COL9A3: variants seen among roughly 807,000 people sequenced by gnomAD.
The protein encoded by COL9A3 is collagen alpha-3(IX) chain.
A neutral mutation model predicts 110.2 loss-of-function variants in COL9A3; 82 were observed. The observed-to-expected ratio is 0.74, with a 90% CI of 0.62 to 0.89. COL9A3 has a LOEUF of 0.89. Among genes scored for constraint, COL9A3 ranks in the 40% least tolerant of loss-of-function variants. The probability of loss-of-function intolerance (pLI) is 0.00; values close to 1 mark genes in which losing one functional copy is unlikely to be tolerated. For missense variants in COL9A3, 1,066 were observed against 981.3 expected, an observed-to-expected ratio of 1.09 and a Z score of -1.15; for synonymous variants, 494 against 403.8, an observed-to-expected ratio of 1.22 and a Z score of -2.68.
upstream of COL9A3, among the ~76,000 whole-genome samples, chr20:62,816,502 G>A (rs1344221730): frequency 6.6e-6 from 1 of 152,226 alleles, no homozygotes; most frequent in Non-Finnish European, 1.5e-5. Flanking sequence ...GGCCGCGGTG[G>A]GGGTGCTCCC....
intron 10 of COL9A3, 67 bp downstream of exon 10, chr20:62,822,699 C>T: frequency 6.5e-7 from 1 of 1,539,316 alleles, no homozygotes; most frequent in East Asian, 2.2e-5. Flanking sequence ...GGGTTCTGGC[C>T]TGGAGAGGGG....
At chr20:62,817,038 A>C, upstream of COL9A3, 1 of 1,219,308 alleles carries the variant, frequency 8.2e-7, no homozygotes. Context: ...GCCCGCCCCG[A>C]CGCCGCAGCT....
intron 13 of COL9A3, 77 bp downstream of exon 13, chr20:62,825,947 C>G (rs1233055163): frequency 2.1e-6 from 3 of 1,454,832 alleles, no homozygotes. Flanking sequence ...CATATCTACC[C>G]CCGAGGGGGC....
chr20:62,827,351 T>G lies in COL9A3; in HGVS notation c.846+57T>G, dbSNP rs1425262942. 5 of 1,565,808 alleles carry G rather than the reference T, an allele frequency of 3.2e-6. No individual in the cohort carries two copies. In the African/African-American group the frequency reaches 6.8e-5, roughly 21 times the overall value. On this transcript the variant is annotated intron_variant, in intron 16 of 31. Coordinates refer to ENST00000649368, the MANE Select transcript of COL9A3 (RefSeq NM_001853.4). ...CTTATGTGGAAGAACCCAATTTCCC[T>G]CCTGACTCGTGCTGGGGAGGGGGAC...
In COL9A3 at chr20:62,817,636, G is replaced by A. The variant is rs2147194049; in HGVS notation, c.147+1G>A. 2.0e-6 allele frequency: 3 copies of A among 1,536,770 alleles called. No individual in the cohort carries two copies. The highest frequency in any genetic ancestry group is 1.2e-5 in the South Asian group (1 of 83,112). On this transcript the variant is annotated splice_donor_variant, in intron 2 of 31. Coordinates refer to ENST00000649368, the MANE Select transcript of COL9A3 (RefSeq NM_001853.4). LOFTEE classifies it high-confidence loss of function. Reference sequence around the variant, plus strand: ...GAAGCCCGGCCAGGACGGCATTGACGTGAGTTTGGGGGTGGGGAGGGCCCC... The same window carrying A: ...GAAGCCCGGCCAGGACGGCATTGACATGAGTTTGGGGGTGGGGAGGGCCCC...
In COL9A3 at chr20:62,821,216, G is replaced by T; in HGVS notation, c.345G>T (p.Gly115=). ...SLGPPGPPGL[G]GKGLPGPPGE... is the part of the protein sequence containing the mutation. ...GACCCCCGGGGCCGCCCGGGCTGGG[G>T]GTGAGTATGGAGTGTGGTCCTCTCC... The change falls in exon 6 of 32, where the codon GGG becomes GGT. Residue 115 remains glycine, a splice_region_variant and synonymous_variant. Transcript: ENST00000649368. The T allele has an allele frequency of 6.2e-7, 1 of 1,613,280 alleles. No homozygotes were observed. The highest frequency in any genetic ancestry group is 1.1e-5 in the South Asian group (1 of 91,012).
chr20:62,825,315 C>T (rs557444318), intron 12 of COL9A3: 12 of 334,276 alleles, frequency 3.6e-5, no homozygotes, highest in Middle Eastern at 9.4e-4. Context: ...GGACAGACCC[C>T]GTCCTGCCTG....
At chr20:62,824,353 T>A in intron 10 of COL9A3, 92 bp from the exon 11 acceptor site, 2 of 1,344,552 alleles carry the variant, frequency 1.5e-6, no homozygotes, top group Non-Finnish European at 2.1e-6. Context: ...CCGTGCAGAG[T>A]GGCCTCCTGG....
At chr20:62,831,785 A>C in intron 24 of COL9A3, 1 of 337,036 alleles carries the variant, frequency 3.0e-6, no homozygotes, top group Non-Finnish European at 5.8e-6. Flanking sequence ...AGCAACTCCC[A>C]GACATGTCCT....
intron 26 of COL9A3, 65 bp downstream of exon 26, chr20:62,833,129 AAC>A: frequency 7.4e-7 from 1 of 1,352,800 alleles, no homozygotes; most frequent in Non-Finnish European, 1.1e-6. Flanking sequence ...GTGGCTGGGG[AAC>A]AGTCCTGGGG....
In COL9A3 at chr20:62,822,618, G is replaced by T. The variant is rs948698664; in HGVS notation, c.505G>T (p.Ala169Ser). Residue 169 changes from alanine (A) to serine (S), a missense_variant, in exon 10 of 32, where the codon GCT becomes TCT. By Grantham distance (99) the Ala-to-Ser change is moderately conservative (BLOSUM62 1). Transcript: ENST00000649368. The stretch of plus-strand genomic sequence containing the variant: ...ACACCCAGGAGTCCTCCCTGAAGGC[G>T]CTACTGACCTTCAGGTAGGCACTTG... ...PGHPGVLPEG[A>S]TDLQCPSICP... The T allele has an allele frequency of 2.5e-6, 4 of 1,612,344 alleles. No homozygotes were observed. Among genetic ancestry groups the T allele is most frequent in the African/African-American group, 1.3e-5 (1 of 74,894 alleles).
intron 15 of COL9A3, 72 bp downstream of exon 15, chr20:62,826,892 C>T (rs756865034): frequency 9.1e-6 from 14 of 1,533,820 alleles, no homozygotes; most frequent in African/African-American, 4.1e-5. Context: ...TCCTCTCAGA[C>T]GCCCCCAGCC....
At chr20:62,836,068 A>G in intron 27 of COL9A3, 115 bp downstream of exon 27, 1 of 1,606,910 alleles carries the variant, frequency 6.2e-7, no homozygotes, top group Non-Finnish European at 8.5e-7. Context: ...GAGATGTAAA[A>G]AAGCTTGCTC....
At chr20:62,822,766 G>C (rs2063521639) in intron 10 of COL9A3, 134 bp downstream of exon 10, 1 of 934,458 alleles carries the variant, frequency 1.1e-6, no homozygotes, top group Non-Finnish European at 1.7e-6. Context: ...CAGGAGCTCA[G>C]AGCAGACAGC....
rs1027547114 is a variant in COL9A3, at chr20:62,817,570, G to C, written c.82G>C (p.Val28Leu). ...ELLAAAGAQRVGLPGPPGPPG... is the reference protein window; with the variant it reads ...ELLAAAGAQRLGLPGPPGPPG... ...TAATGAGTTTTCTCCGTTTCAGAGA[G>C]TGGGACTCCCCGGCCCCCCCGGCCC... is the stretch of plus-strand genomic sequence containing the variant. The change falls in exon 2 of 32, where the codon GTG becomes CTG. Residue 28 changes from valine to leucine, a missense_variant. By Grantham distance (32) the Val-to-Leu change is conservative. Coordinates refer to ENST00000649368, the MANE Select transcript of COL9A3 (RefSeq NM_001853.4). 6.5e-7 allele frequency: 1 copy of C among 1,544,100 alleles called. No individual in the cohort carries two copies. The highest frequency in any genetic ancestry group is 8.8e-7 in the Non-Finnish European group (1 of 1,142,138).
At position 62,826,751 on chromosome 20, in the gene COL9A3, CCTCT is replaced by C; in HGVS notation, c.739-12_739-9del. The C allele has an allele frequency of 6.2e-7, 1 of 1,612,404 alleles. No homozygotes were observed. Among genetic ancestry groups the C allele is most frequent in the South Asian group, 1.1e-5 (1 of 90,992 alleles). On this transcript the variant is annotated splice_polypyrimidine_tract_variant and intron_variant, in intron 14 of 31. Transcript: ENST00000649368. Reference sequence around the variant, plus strand: ...CCTCAGACAAGAGGACCCCGGATCCCCTCTCTCCTCTGCAGGGTCCCATTGGGTT... The same window carrying C: ...CCTCAGACAAGAGGACCCCGGATCCCCTCCTCTGCAGGGTCCCATTGGGTT...
At chr20:62,825,147 CGG>C in intron 12 of COL9A3, 126 bp downstream of exon 12, 1 of 32,746 alleles carries the variant, frequency 3.1e-5, no homozygotes, top group Admixed American at 3.5e-4. Flanking sequence ...GGCTGGGCTC[CGG>C]CGGGAGGGAG....
At chr20:62,818,923 G>A (rs1247052935) in intron 3 of COL9A3, among the ~76,000 whole-genome samples, 2 of 152,230 alleles carry the variant, frequency 1.3e-5, no homozygotes, top group Admixed American at 6.5e-5. Flanking sequence ...GCCCACTGGG[G>A]GTCCGACAGA....
chr20:62,822,933 G>C (rs993166213), intron 10 of COL9A3, among the ~76,000 whole-genome samples: 1 of 152,204 alleles, frequency 6.6e-6, no homozygotes, highest in Non-Finnish European at 1.5e-5. Flanking sequence ...GAGCCATCCA[G>C]CTCCCCTGCG....
Sources: gnomAD v4.1 joint callset for allele counts (sites outside exome capture counted in the v4.1 genomes callset) on GRCh38, gnomAD v4.1.1 for gene constraint, MANE v1.5 for transcripts, NCBI Gene and HGNC (gene_info 2026-07-23, HGNC 2026-07-21) for gene names.